Variants in KSR2 observed in about 807,000 individuals in gnomAD.
KSR2 encodes kinase suppressor of ras 2.
Under a neutral mutation model 107.8 loss-of-function variants are expected in KSR2, and 25 were observed. The ratio of observed to expected loss-of-function variants is 0.23; its 90% CI spans 0.17 to 0.32. The LOEUF (loss-of-function observed/expected upper bound fraction) is 0.32. Ranked by LOEUF, KSR2 falls within the 10% of genes least tolerant of loss-of-function variation. The probability of loss-of-function intolerance (pLI) is 1.00; values close to 1 mark genes in which losing one functional copy is unlikely to be tolerated. For synonymous variants in KSR2, 480 were observed against 507.0 expected (o/e 0.95, Z 0.71); for missense variants, 887 against 1,268.9 (o/e 0.70, Z 4.57).
At chr12:117,540,042 T>G (rs1325276993) in intron 9 of KSR2, among the ~76,000 whole-genome samples, 155 bp from the exon 10 acceptor site, 1 of 152,034 alleles carries the variant, frequency 6.6e-6, no homozygotes, top group Non-Finnish European at 1.5e-5. Flanking sequence ...CCCTCCCGCT[T>G]CATCAGCCCC....
intron 10 of KSR2, among the ~76,000 whole-genome samples, chr12:117,533,561 G>A (rs533955884): frequency 4.6e-5 from 7 of 152,292 alleles, no homozygotes; most frequent in Non-Finnish European, 8.8e-5. Flanking sequence ...CACCCTCCAT[G>A]ACTTCAGGGA....
chr12:117,608,696 T>G (rs1236759127), intron 5 of KSR2, among the ~76,000 whole-genome samples: 3 of 152,248 alleles, frequency 2.0e-5, no homozygotes, highest in Admixed American at 1.3e-4. Flanking sequence ...TTATATGATC[T>G]TTATACCAAC....
chr12:117,867,125 G>A lies in KSR2; in HGVS notation c.181-6694C>T, dbSNP rs545215412. 3.9e-5 allele frequency among the ~76,000 whole-genome samples: 6 copies of A among 152,156 alleles called. No homozygotes were observed. In the South Asian group the frequency reaches 1.2e-3, roughly 32 times the overall value. Reference sequence around the variant, plus strand: ...GAGCTCATGAGTTCGAGACCAGCCTGGCCAACATGGTAAGACCCTGTCTCT... The same window carrying A: ...GAGCTCATGAGTTCGAGACCAGCCTAGCCAACATGGTAAGACCCTGTCTCT... On this transcript the variant is annotated intron_variant, in intron 1 of 19. Transcript: ENST00000339824.
intron 4 of KSR2, among the ~76,000 whole-genome samples, chr12:117,717,341 T>C (rs1056837888): frequency 6.6e-6 from 1 of 152,056 alleles, no homozygotes; most frequent in Non-Finnish European, 1.5e-5. Context: ...GGCCACATAG[T>C]GAGACCTCAT....
At chr12:117,515,060 T>C (rs1418535489) in intron 14 of KSR2, among the ~76,000 whole-genome samples, 2 of 152,292 alleles carry the variant, frequency 1.3e-5, no homozygotes, top group Non-Finnish European at 2.9e-5. Flanking sequence ...GGGATCTTAT[T>C]GCAGAGATCA....
intron 5 of KSR2, among the ~76,000 whole-genome samples, chr12:117,583,965 A>G (rs1044484398): frequency 6.6e-6 from 1 of 152,164 alleles, no homozygotes; most frequent in African/African-American, 2.4e-5. Context: ...GTCAGAACCT[A>G]TCACAGAGCA....
Position 117,968,304 on chromosome 12 carries a change from A to AGG in KSR2, c.-50_-49insCC. ...CCTCCTCCTCCTCCCAGAGAGAAAA[A>AGG]AGAGGGGGGGGAGTAGAGGTAGTCT... On this transcript the variant is annotated 5_prime_UTR_variant, in exon 1 of 20. Coordinates refer to ENST00000339824, the MANE Select transcript of KSR2 (RefSeq NM_173598.6). The AGG allele has an allele frequency of 7.3e-6, 5 of 680,636 alleles. No individual in the cohort carries two copies. Among genetic ancestry groups the AGG allele is most frequent in the Non-Finnish European group, 7.6e-6 (4 of 526,562 alleles). The allele number at this position is 680,636 out of a possible 1,614,324, so 42.2% of individuals were successfully genotyped here.
chr12:117,566,977 C>T (rs1227576278), intron 7 of KSR2, among the ~76,000 whole-genome samples: 1 of 152,190 alleles, frequency 6.6e-6, no homozygotes, highest in African/African-American at 2.4e-5. Context: ...GAGGTCCCTA[C>T]TGAGATCTAC....
rs560052709 is a variant in KSR2, at chr12:117,552,505, T to C, written c.1518+2664A>G. On this transcript the variant is annotated intron_variant, in intron 9 of 19. Transcript: ENST00000339824. ...GCTCTTTGAGCCATGAGCTACCATG[T>C]AAGAAGCCTGACTACCCTGAGGCAG... Among the ~76,000 whole-genome samples, 64 of 152,298 alleles carry C rather than the reference T, an allele frequency of 4.2e-4. No homozygotes were observed. In the East Asian group the frequency reaches 0.011, roughly 25 times the overall value.
At chr12:117,694,199 C>T (rs933040205) in intron 4 of KSR2, among the ~76,000 whole-genome samples, 2 of 152,104 alleles carry the variant, frequency 1.3e-5, no homozygotes, top group Non-Finnish European at 2.9e-5. Context: ...GCGTCCACAC[C>T]CAAATCTCAC....
chr12:117,706,403 G>A (rs762474058), intron 4 of KSR2, among the ~76,000 whole-genome samples: 5 of 152,094 alleles, frequency 3.3e-5, no homozygotes, highest in African/African-American at 9.7e-5. Context: ...ATGGAGAAAC[G>A]GAGCCTCAAA....
chr12:117,708,084 T>C (rs968342859), intron 4 of KSR2, among the ~76,000 whole-genome samples: 1 of 152,228 alleles, frequency 6.6e-6, no homozygotes, highest in Admixed American at 6.5e-5. Context: ...TACAAGGATA[T>C]AGCACCCAGA....
intron 5 of KSR2, among the ~76,000 whole-genome samples, chr12:117,601,514 G>A (rs987446939): frequency 3.3e-5 from 5 of 152,108 alleles, no homozygotes; most frequent in South Asian, 2.1e-4. Flanking sequence ...GAGGATGCGG[G>A]AACACAGATA....
At chr12:117,841,747 G>T (rs56111943) in intron 3 of KSR2, among the ~76,000 whole-genome samples, 14,436 of 152,022 alleles carry the variant, frequency 0.095, 942 homozygotes, top group African/African-American at 0.19. Flanking sequence ...TTCAAACCCC[G>T]CCTCTGACAC....
At chr12:117,836,236 C>A (rs1008785413) in intron 3 of KSR2, among the ~76,000 whole-genome samples, 17 of 152,078 alleles carry the variant, frequency 1.1e-4, no homozygotes, top group African/African-American at 4.1e-4. Context: ...CAGGCAACAC[C>A]CTCAACTGTC....
chr12:117,691,846 G>A (rs1885827781), intron 4 of KSR2, among the ~76,000 whole-genome samples: 1 of 152,226 alleles, frequency 6.6e-6, no homozygotes, highest in African/African-American at 2.4e-5. Context: ...TGGGTACTGG[G>A]ATAAACATTT....
intron 1 of KSR2, among the ~76,000 whole-genome samples, chr12:117,953,237 A>C (rs1287279179): frequency 6.6e-6 from 1 of 152,114 alleles, no homozygotes; most frequent in African/African-American, 2.4e-5. Context: ...AATGTAAAAA[A>C]CGGTTGCAGC....
intron 16 of KSR2, among the ~76,000 whole-genome samples, chr12:117,483,757 T>A (rs1012075778): frequency 6.6e-6 from 1 of 152,238 alleles, no homozygotes; most frequent in Non-Finnish European, 1.5e-5. Flanking sequence ...GGGAGGTATA[T>A]GCAAATTAAT....
chr12:117,588,366 G>C (rs1276085122), intron 5 of KSR2, among the ~76,000 whole-genome samples: 1 of 152,276 alleles, frequency 6.6e-6, no homozygotes, highest in East Asian at 1.9e-4. Flanking sequence ...TGGGAAGAAG[G>C]CAAAGCCAGT....
Sources: allele counts gnomAD v4.1 joint callset (sites outside exome capture counted in the v4.1 genomes callset), GRCh38; gene constraint gnomAD v4.1.1; transcripts MANE v1.5; gene names NCBI Gene and HGNC (gene_info 2026-07-23, HGNC 2026-07-21).